SDSL: variants seen among roughly 807,000 people sequenced by gnomAD.
SDSL encodes serine dehydratase-like.
A neutral mutation model predicts 27.6 loss-of-function variants in SDSL; 26 were observed. That is an observed-to-expected ratio of 0.94 (90% CI 0.69 to 1.31). SDSL has a LOEUF of 1.31. Among genes scored for constraint, SDSL ranks in the 50% most tolerant of loss-of-function variants. The probability of loss-of-function intolerance (pLI) is 0.00; values close to 1 mark genes in which losing one functional copy is unlikely to be tolerated. For synonymous variants in SDSL, 196 were observed against 180.6 expected (o/e 1.09, Z -0.69); for missense variants, 431 against 423.5 (o/e 1.02, Z -0.16).
chr12:113,426,296 G>A, intron 1 of SDSL: 3 of 455,592 alleles, frequency 6.6e-6, no homozygotes, highest in Non-Finnish European at 1.3e-5. Context: ...TTTCAAGAAC[G>A]TACAGATGGA....
chr12:113,436,119 A>G (rs1957989477), intron 6 of SDSL, among the ~76,000 whole-genome samples: 1 of 152,156 alleles, frequency 6.6e-6, no homozygotes, highest in African/African-American at 2.4e-5. Flanking sequence ...GAAACTTAGC[A>G]AGACCCTGTC....
At chr12:113,432,227 T>G (rs1002625246) in intron 4 of SDSL, among the ~76,000 whole-genome samples, 5 of 59,526 alleles carry the variant, frequency 8.4e-5, no homozygotes, top group Admixed American at 4.5e-4. Context: ...TTTCTTTCTT[T>G]CTTTCTTTCT....
At chr12:113,424,305 A>C (rs1957824093) in intron 1 of SDSL, among the ~76,000 whole-genome samples, 1 of 152,162 alleles carries the variant, frequency 6.6e-6, no homozygotes, top group Admixed American at 6.5e-5. Context: ...TACAGGCATG[A>C]GCCACCGCGC....
At chr12:113,429,070 A>G in intron 3 of SDSL, 90 bp from the exon 4 acceptor site, 3 of 1,468,458 alleles carry the variant, frequency 2.0e-6, no homozygotes, top group Non-Finnish European at 2.8e-6. Context: ...GTTGGGGACG[A>G]GTGACTCTGA....
At chr12:113,431,689 T>G (rs1427053092) in intron 4 of SDSL, among the ~76,000 whole-genome samples, 2 of 151,524 alleles carry the variant, frequency 1.3e-5, no homozygotes, top group African/African-American at 2.4e-5. Flanking sequence ...TTCTCCTGCC[T>G]TGGCCTCCCA....
chr12:113,430,521 CCT>C (rs1957908778), intron 4 of SDSL, among the ~76,000 whole-genome samples: 1 of 152,142 alleles, frequency 6.6e-6, no homozygotes, highest in Non-Finnish European at 1.5e-5. Flanking sequence ...GCAGATGTCC[CCT>C]GTGTCTTCCC....
chr12:113,424,311 C>T (rs1028249176), intron 1 of SDSL, among the ~76,000 whole-genome samples: 1 of 152,150 alleles, frequency 6.6e-6, no homozygotes, highest in African/African-American at 2.4e-5. Flanking sequence ...CATGAGCCAC[C>T]GCGCCCTGTC....
chr12:113,432,208 GCTTCTTTCTTTC>G (rs1179490477), intron 4 of SDSL, among the ~76,000 whole-genome samples: 1 of 149,606 alleles, frequency 6.7e-6, no homozygotes, highest in Non-Finnish European at 1.5e-5. Flanking sequence ...TTGTTTGTTT[GCTTCTTTCTTTC>G]TTTCTTTCTT....
intron 6 of SDSL, among the ~76,000 whole-genome samples, chr12:113,436,395 T>C (rs970037450): frequency 1.3e-5 from 2 of 152,022 alleles, no homozygotes; most frequent in Admixed American, 1.3e-4. Flanking sequence ...TTCAAGTGAT[T>C]CTCCTGCCTT....
chr12:113,425,037 A>G (rs1323395235), intron 1 of SDSL, among the ~76,000 whole-genome samples: 1 of 152,126 alleles, frequency 6.6e-6, no homozygotes, highest in African/African-American at 2.4e-5. Flanking sequence ...CACCTGGCCA[A>G]TGTTATTCTT....
At position 113,427,924 on chromosome 12, in the gene SDSL, G is replaced by A. The variant is rs1449981723; in HGVS notation, c.-21-38G>A. 3.2e-6 allele frequency: 5 copies of A among 1,549,256 alleles called. No individual in the cohort carries two copies. The African/African-American group carries it at 5.4e-5, about 17-fold the overall frequency. On this transcript the variant is annotated intron_variant, in intron 1 of 7. Coordinates refer to ENST00000403593, the MANE Select transcript of SDSL (RefSeq NM_001304993.2). Reference sequence around the variant, plus strand: ...TGTCCTGGTTAAGGGAACTCTTGATGGGGACTGCCTGGGTGGTGACTTTGT... The same window carrying A: ...TGTCCTGGTTAAGGGAACTCTTGATAGGGACTGCCTGGGTGGTGACTTTGT...
At chr12:113,423,437 G>C (rs538446664) in intron 1 of SDSL, among the ~76,000 whole-genome samples, 1 of 152,230 alleles carries the variant, frequency 6.6e-6, no homozygotes, top group Non-Finnish European at 1.5e-5. Flanking sequence ...TGGAGTCAAT[G>C]GTGAGTTAAT....
chr12:113,437,559 A>G (rs1958013340), intron 7 of SDSL, among the ~76,000 whole-genome samples: 1 of 152,156 alleles, frequency 6.6e-6, no homozygotes, highest in South Asian at 2.1e-4. Context: ...CAAATGATGG[A>G]TAGAGGAATG....
intron 4 of SDSL, among the ~76,000 whole-genome samples, chr12:113,430,908 T>C (rs191636455): frequency 6.6e-6 from 1 of 152,222 alleles, no homozygotes; most frequent in East Asian, 1.9e-4. Context: ...TCTCTAAAAA[T>C]AGTAACTATT....
At chr12:113,429,832 A>G (rs1957897966) in intron 4 of SDSL, among the ~76,000 whole-genome samples, 1 of 152,210 alleles carries the variant, frequency 6.6e-6, no homozygotes, top group Non-Finnish European at 1.5e-5. Flanking sequence ...TCTCGAAATT[A>G]AAACTAAAAG....
At position 113,429,214 on chromosome 12, in the gene SDSL, C is replaced by A. The variant is rs991251673; in HGVS notation, c.269C>A (p.Ala90Asp). Residue 90 changes from alanine (A) to aspartate (D), a missense_variant, in exon 4 of 8, where the codon GCC (alanine) becomes GAC (aspartate). By Grantham distance (126) the Ala-to-Asp change is moderately radical (BLOSUM62 -2). Transcript: ENST00000403593. ...AYAARKLGIP[A>D]TIVLPESTSL... Reference sequence around the variant, plus strand: ...GCTGCTAGGAAGCTGGGCATTCCTGCCACCATCGTGCTCCCCGAGAGCACC... The same window carrying A: ...GCTGCTAGGAAGCTGGGCATTCCTGACACCATCGTGCTCCCCGAGAGCACC... 1 of 1,613,924 alleles carries A rather than the reference C, an allele frequency of 6.2e-7. No individual in the cohort carries two copies. Among genetic ancestry groups the A allele is most frequent in the African/African-American group, 1.3e-5 (1 of 74,998 alleles).
chr12:113,432,121 C>G (rs1957929080), intron 4 of SDSL, among the ~76,000 whole-genome samples: 1 of 151,920 alleles, frequency 6.6e-6, no homozygotes, highest in Non-Finnish European at 1.5e-5. Context: ...GAACTCCTGA[C>G]CTCAGGTAAT....
rs1957874852 is a variant in SDSL at position 113,428,213 on chromosome 12, T to G, written c.174+57T>G. 8 of 1,492,912 alleles carry G rather than the reference T, an allele frequency of 5.4e-6. No homozygotes were observed. The South Asian group carries it at 6.1e-5, about 11-fold the overall frequency. The allele number at this position is 1,492,912 out of a possible 1,614,324, so 92.5% of individuals were successfully genotyped here. On this transcript the variant is annotated intron_variant, in intron 2 of 7. Coordinates refer to ENST00000403593, the MANE Select transcript of SDSL (RefSeq NM_001304993.2). ...AGGTTGTGCAGGAGGGAGGGAAGAG[T>G]GAGGGGTGTGGGCTGGGGACGGGTT...
intron 4 of SDSL, among the ~76,000 whole-genome samples, chr12:113,432,230 TTCTTTCTTTCTTTCTTTC>T (rs1205550941): frequency 1.5e-5 from 1 of 65,290 alleles, no homozygotes; most frequent in Non-Finnish European, 3.6e-5. Context: ...CTTTCTTTCT[TTCTTTCTTTCTTTCTTTC>T]TTTCTTTCTT....
Sources: gnomAD v4.1 joint callset for allele counts (sites outside exome capture counted in the v4.1 genomes callset) on GRCh38, gnomAD v4.1.1 for gene constraint, MANE v1.5 for transcripts, NCBI Gene and HGNC (gene_info 2026-07-23, HGNC 2026-07-21) for gene names.